The following MAP2K1 variants were observed in gnomAD, a reference collection of about 807,000 sequenced individuals.
MAP2K1 encodes mitogen-activated protein kinase kinase 1.
A neutral mutation model predicts 46.3 loss-of-function variants in MAP2K1; 16 were observed. The ratio of observed to expected loss-of-function variants is 0.35; its 90% CI spans 0.23 to 0.52. The LOEUF (loss-of-function observed/expected upper bound fraction) is 0.52, where lower values mean the gene tolerates loss of function less well. Among genes scored for constraint, MAP2K1 ranks in the 20% least tolerant of loss-of-function variants. MAP2K1 has a pLI of 0.94. For synonymous variants in MAP2K1, 183 were observed against 185.6 expected, an observed-to-expected ratio of 0.99 and a Z score of 0.11; for missense variants, 263 against 497.1, an observed-to-expected ratio of 0.53 and a Z score of 4.48.
intron 5 of MAP2K1, among the ~76,000 whole-genome samples, chr15:66,468,236 A>G (rs1320612185): frequency 6.6e-6 from 1 of 152,220 alleles, no homozygotes; most frequent in Non-Finnish European, 1.5e-5. Flanking sequence ...AGACATACTG[A>G]TAGAAGTACA....
Position 66,387,192 on chromosome 15 carries a change from C to G in MAP2K1, c.-156C>G. On this transcript the variant is annotated 5_prime_UTR_variant, in exon 1 of 11. Coordinates refer to ENST00000307102, the MANE Select transcript of MAP2K1 (RefSeq NM_002755.4). ...ACTGAGACCGCTACCGGCCCCTCGGCGCTGACGGGACCGCGCGGGGCGCAC... is the reference window on the plus strand; with the variant it reads ...ACTGAGACCGCTACCGGCCCCTCGGGGCTGACGGGACCGCGCGGGGCGCAC... 1.8e-6 allele frequency: 1 copy of G among 554,406 alleles called. No individual in the cohort carries two copies. Among genetic ancestry groups the G allele is most frequent in the Non-Finnish European group, 3.1e-6 (1 of 318,290 alleles). 34.3% of individuals were successfully genotyped at this position (554,406 alleles called of 1,614,324 possible).
intron 1 of MAP2K1, among the ~76,000 whole-genome samples, chr15:66,421,310 A>G (rs1452887709): frequency 6.6e-6 from 1 of 151,634 alleles, no homozygotes; most frequent in Non-Finnish European, 1.5e-5. Context: ...GCATTTTTGT[A>G]TTTTTTGTAG....
intron 6 of MAP2K1, among the ~76,000 whole-genome samples, chr15:66,482,383 G>C (rs1227186998): frequency 6.6e-6 from 1 of 152,178 alleles, no homozygotes; most frequent in Non-Finnish European, 1.5e-5. Flanking sequence ...CTGAGAGTCT[G>C]TTCAGAATTG....
At position 66,436,933 on chromosome 15, in the gene MAP2K1, G is replaced by C. The variant is rs753960839; in HGVS notation, c.438+41G>C. On this transcript the variant is annotated intron_variant, in intron 3 of 10. Transcript: ENST00000307102. ...TCAGCCTCTGGAGCAATGGCCTTAA[G>C]AGTTGGGTGGCTCTGGCCTAATCTT... 1.9e-6 allele frequency: 3 copies of C among 1,611,504 alleles called. No homozygotes were observed. In the South Asian group the frequency reaches 3.3e-5, roughly 18 times the overall value.
At chr15:66,486,778 C>CT (rs1893047935) in intron 7 of MAP2K1, among the ~76,000 whole-genome samples, 1 of 152,188 alleles carries the variant, frequency 6.6e-6, no homozygotes, top group African/African-American at 2.4e-5. Context: ...CTAGAGGTAG[C>CT]TGATGGCAGG....
At chr15:66,435,614 C>T (rs2093485973) in intron 2 of MAP2K1, among the ~76,000 whole-genome samples, 1 of 152,118 alleles carries the variant, frequency 6.6e-6, no homozygotes, top group South Asian at 2.1e-4. Context: ...AGGTGTGAGC[C>T]ACTGTGCCCA....
intron 5 of MAP2K1, among the ~76,000 whole-genome samples, chr15:66,460,270 T>C (rs1001771179): frequency 6.6e-6 from 1 of 152,226 alleles, no homozygotes; most frequent in African/African-American, 2.4e-5. Context: ...TTTCATCTGC[T>C]AGATTCACAG....
chr15:66,430,304 A>T (rs1256027184), intron 1 of MAP2K1, among the ~76,000 whole-genome samples: 1 of 151,976 alleles, frequency 6.6e-6, no homozygotes, highest in African/African-American at 2.4e-5. Context: ...TGGTAAGAAC[A>T]CCCACCTGCA....
At chr15:66,397,463 G>A (rs1239706067) in intron 1 of MAP2K1, among the ~76,000 whole-genome samples, 1 of 152,130 alleles carries the variant, frequency 6.6e-6, no homozygotes, top group Admixed American at 6.5e-5. Context: ...TTTATGGGGA[G>A]GCAAGAGTGG....
chr15:66,456,446 A>C (rs1214599410), intron 5 of MAP2K1, among the ~76,000 whole-genome samples: 4 of 152,202 alleles, frequency 2.6e-5, no homozygotes, highest in African/African-American at 9.7e-5. Context: ...GGAGGTCGGA[A>C]GGCAGGGATG....
chr15:66,401,542 A>C (rs1438878230), intron 1 of MAP2K1, among the ~76,000 whole-genome samples: 1 of 152,210 alleles, frequency 6.6e-6, no homozygotes, highest in Non-Finnish European at 1.5e-5. Context: ...AGCTGCAGGT[A>C]GGTGACTCAA....
intron 1 of MAP2K1, among the ~76,000 whole-genome samples, chr15:66,401,663 G>A (rs778232350): frequency 2.0e-5 from 3 of 152,298 alleles, no homozygotes; most frequent in Admixed American, 6.5e-5. Flanking sequence ...AGTAAGAAAA[G>A]TGCCACAGAA....
Position 66,490,973 on chromosome 15 carries a change from G to A in MAP2K1, c.*358G>A, listed in dbSNP as rs561736994. 77 of 436,760 alleles carry A rather than the reference G, an allele frequency of 1.8e-4. No individual in the cohort carries two copies. Among genetic ancestry groups the A allele is most frequent in the South Asian group, 1.7e-3 (76 of 44,570 alleles). 27.1% of individuals were successfully genotyped at this position (436,760 alleles called of 1,614,324 possible). A position where few individuals can be genotyped will look rare whatever the true frequency, so the allele number is the denominator to read the frequency against. ...TGACTGGCTGTCTGCCTGTATTTTC[G>A]GGATTCTTTGACATTTGGTGGTACT... On this transcript the variant is annotated 3_prime_UTR_variant, in exon 11 of 11. Transcript: ENST00000307102.
rs190319831 is a variant in MAP2K1, at chr15:66,419,531, A to C, written c.81-15496A>C. ...GCGAGACTCCATCTCAAAAAAAAAA[A>C]AATTTCATATGCGGCTAATATGAAA... On this transcript the variant is annotated intron_variant, in intron 1 of 10. Transcript: ENST00000307102. Among the ~76,000 whole-genome samples the C allele has an allele frequency of 2.2e-3, 329 of 152,212 alleles. 2 individuals carry two copies. Among genetic ancestry groups the C allele is most frequent in the African/African-American group, 7.8e-3 (324 of 41,526 alleles).
intron 1 of MAP2K1, among the ~76,000 whole-genome samples, chr15:66,397,422 G>A (rs2093370830): frequency 6.6e-6 from 1 of 152,138 alleles, no homozygotes; most frequent in African/African-American, 2.4e-5. Context: ...GGGTGGGAGA[G>A]CATCATCCAA....
chr15:66,432,502 A>G (rs943831019), intron 1 of MAP2K1, among the ~76,000 whole-genome samples: 40 of 152,244 alleles, frequency 2.6e-4, no homozygotes, highest in African/African-American at 8.0e-4. Context: ...TATTAGCTGC[A>G]AGGCAGTGTT....
At chr15:66,455,109 T>A (rs1305009462) in intron 5 of MAP2K1, among the ~76,000 whole-genome samples, 1 of 152,070 alleles carries the variant, frequency 6.6e-6, no homozygotes, top group Admixed American at 6.6e-5. Flanking sequence ...GGCTCAGTGA[T>A]CTCCCAGAGG....
intron 3 of MAP2K1, among the ~76,000 whole-genome samples, chr15:66,439,921 G>A (rs2093498951): frequency 7.6e-6 from 1 of 132,362 alleles, no homozygotes; most frequent in South Asian, 2.5e-4. Flanking sequence ...GGTGACAAGA[G>A]CAAAACTCCA....
chr15:66,447,494 C>A (rs547571645), intron 5 of MAP2K1, among the ~76,000 whole-genome samples: 259 of 151,562 alleles, frequency 1.7e-3, no homozygotes, highest in Non-Finnish European at 2.8e-3. Context: ...AGTTTGAAAC[C>A]AGACTGGCCA....
Sources: gnomAD v4.1 joint callset for allele counts (sites outside exome capture counted in the v4.1 genomes callset) on GRCh38, gnomAD v4.1.1 for gene constraint, MANE v1.5 for transcripts, NCBI Gene and HGNC (gene_info 2026-07-23, HGNC 2026-07-21) for gene names.